The following PCDHGA10 variants were observed in gnomAD, a reference collection of about 807,000 sequenced individuals.
PCDHGA10 encodes the protein protocadherin gamma-A10.
In PCDHGA10, 42 loss-of-function variants were observed where a neutral mutation model predicts 59.5. The ratio of observed to expected loss-of-function variants is 0.71; its 90% CI spans 0.55 to 0.91. The LOEUF is 0.91. Ranked by LOEUF, PCDHGA10 falls within the 40% of genes least tolerant of loss-of-function variation. The pLI, the probability that PCDHGA10 is intolerant of heterozygous loss-of-function variation, is 0.00. For missense variants in PCDHGA10, 1,111 were observed against 1,198.2 expected, an observed-to-expected ratio of 0.93 and a Z score of 1.07; for synonymous variants, 511 against 517.2, an observed-to-expected ratio of 0.99 and a Z score of 0.16.
chr5:141,462,852 T>C (rs1334709435), intron 1 of PCDHGA10, among the ~76,000 whole-genome samples: 1 of 152,202 alleles, frequency 6.6e-6, no homozygotes. Flanking sequence ...TTTTGAGTGT[T>C]TGGATTTTGT....
rs1395556571 is a variant in PCDHGA10 at position 141,432,581 on chromosome 5, C to CT, written c.2436+16971dup. ...CCAGAACGCCTGGCTGTCCTACCGT[C>CT]TGCTCAAGGCCAGCGAGCCGGGACT... On this transcript the variant is annotated intron_variant, in intron 1 of 3. Coordinates refer to ENST00000398610, the MANE Select transcript of PCDHGA10 (RefSeq NM_018913.3). This position sits in a 1 kb window ranked among gnomAD's most constrained non-coding sequence, Gnocchi z 6.0. 6.2e-7 allele frequency: 1 copy of CT among 1,613,930 alleles called. No homozygotes were observed.
At chr5:141,427,650 G>C (rs1352503291) in intron 1 of PCDHGA10, 1 of 718,312 alleles carries the variant, frequency 1.4e-6, no homozygotes. Flanking sequence ...AGTCTCCTAC[G>C]TGGTCCACGT....
At chr5:141,470,815 G>A (rs891225908) in intron 1 of PCDHGA10, among the ~76,000 whole-genome samples, 1 of 151,980 alleles carries the variant, frequency 6.6e-6, no homozygotes, top group African/African-American at 2.4e-5. Flanking sequence ...AGCCTTCTGA[G>A]TAGTTAGGAC....
chr5:141,424,556 G>C (rs2096828013), intron 1 of PCDHGA10: 1 of 152,128 alleles, frequency 6.6e-6, no homozygotes, highest in South Asian at 2.1e-4. Context: ...TTGATTCAGT[G>C]CTTCTCAAAA....
chr5:141,472,980 C>CAAAAAAAAA (rs60579131), intron 1 of PCDHGA10, among the ~76,000 whole-genome samples: 30 of 86,054 alleles, frequency 3.5e-4, no homozygotes, highest in African/African-American at 5.0e-4. Context: ...GAGTGAAACT[C>CAAAAAAAAA]AAAAAAAAAA....
At chr5:141,427,934 G>A (rs746648152) in intron 1 of PCDHGA10, 42 of 1,584,338 alleles carry the variant, frequency 2.7e-5, no homozygotes, top group Non-Finnish European at 3.6e-5. Context: ...GCATGTTGGT[G>A]GGCGACCTCA....
At position 141,431,549 on chromosome 5, in the gene PCDHGA10, G is replaced by A. The variant is rs750427346; in HGVS notation, c.2436+15938G>A. ...GGCCTTGGGCACGCAGCTGCTTGTA[G>A]TCAACGCTACCGACCCTGACGAAGG... On this transcript the variant is annotated intron_variant, in intron 1 of 3. Coordinates refer to ENST00000398610, the MANE Select transcript of PCDHGA10 (RefSeq NM_018913.3). This position sits in a 1 kb window ranked among gnomAD's most constrained non-coding sequence, Gnocchi z 4.8. The A allele has an allele frequency of 6.2e-7, 1 of 1,614,156 alleles. No homozygotes were observed. Among genetic ancestry groups the A allele is most frequent in the South Asian group, 1.1e-5 (1 of 91,090 alleles).
chr5:141,428,344 G>T (rs970552377), intron 1 of PCDHGA10: 3 of 596,498 alleles, frequency 5.0e-6, no homozygotes, highest in Non-Finnish European at 6.1e-6. Flanking sequence ...CTTCTTCCTC[G>T]CAGTGATTTT....
intron 1 of PCDHGA10, among the ~76,000 whole-genome samples, chr5:141,439,259 G>A (rs1172204848): frequency 6.6e-6 from 1 of 151,900 alleles, no homozygotes; most frequent in African/African-American, 2.4e-5. Context: ...TGAAGATTCA[G>A]CCAACAGTTC....
chr5:141,436,591 G>A (rs903125499), intron 1 of PCDHGA10, among the ~76,000 whole-genome samples: 8 of 152,154 alleles, frequency 5.3e-5, no homozygotes, highest in Non-Finnish European at 1.0e-4. Context: ...TTGAAAGGTC[G>A]TGGTGATGGC....
chr5:141,488,681 C>G, intron 1 of PCDHGA10, among the ~76,000 whole-genome samples: 1 of 152,204 alleles, frequency 6.6e-6, no homozygotes, highest in East Asian at 1.9e-4. Flanking sequence ...GGCTTTGCCT[C>G]TCCCAGAAGG....
intron 1 of PCDHGA10, chr5:141,420,333 A>G (rs778366534): frequency 2.1e-6 from 3 of 1,402,720 alleles, no homozygotes; most frequent in Non-Finnish European, 2.9e-6. Flanking sequence ...ATATATTCCA[A>G]TATAGTGGTA....
rs200045647 is a variant in PCDHGA10, at chr5:141,490,150, G to A, written c.2437-4657G>A. 50 of 1,614,246 alleles carry A rather than the reference G, an allele frequency of 3.1e-5. No individual in the cohort carries two copies. The Admixed American group carries it at 7.7e-4, about 25-fold the overall frequency. On this transcript the variant is annotated intron_variant, in intron 1 of 3. Transcript: ENST00000398610. The surrounding 1 kb of genome is among the most constrained non-coding windows in gnomAD (Gnocchi z 5.4). ...AGACCCTAGCAGTGGGGCAATCCAT[G>A]TGTTGGGTCCCATAGACTTTGAGGA...
At chr5:141,478,795 C>T (rs919747545) in intron 1 of PCDHGA10, 7 of 1,468,056 alleles carry the variant, frequency 4.8e-6, no homozygotes, top group Non-Finnish European at 6.3e-6. Flanking sequence ...ACATCCTCAG[C>T]ACTCTTTTGC....
chr5:141,501,290 TACACACACAC>T (rs55762287), intron 2 of PCDHGA10, among the ~76,000 whole-genome samples: 44 of 136,248 alleles, frequency 3.2e-4, no homozygotes, highest in Admixed American at 7.8e-4. Context: ...TATTCCCTTA[TACACACACAC>T]ACACACACAC....
At position 141,432,143 on chromosome 5, in the gene PCDHGA10, C is replaced by A; in HGVS notation, c.2436+16532C>A. The A allele has an allele frequency of 6.2e-7, 1 of 1,614,084 alleles. No homozygotes were observed. Among genetic ancestry groups the A allele is most frequent in the South Asian group, 1.1e-5 (1 of 91,068 alleles). On this transcript the variant is annotated intron_variant, in intron 1 of 3. Transcript: ENST00000398610. The surrounding 1 kb of genome is among the most constrained non-coding windows in gnomAD (Gnocchi z 6.0). ...TCAGGCCTCCTATTCCGCTTATATC[C>A]CAGAGAACAATCCCAGAGGAGTTTC... is the stretch of plus-strand genomic sequence containing the variant.
intron 3 of PCDHGA10, among the ~76,000 whole-genome samples, chr5:141,510,354 G>A (rs1311482557): frequency 2.1e-5 from 3 of 146,300 alleles, no homozygotes; most frequent in Non-Finnish European, 4.5e-5. Flanking sequence ...ACTTACTAAC[G>A]GAACTACCGA....
chr5:141,481,622 G>A (rs957374253), intron 1 of PCDHGA10, among the ~76,000 whole-genome samples: 6 of 151,854 alleles, frequency 4.0e-5, no homozygotes, highest in African/African-American at 1.2e-4. Flanking sequence ...GTTCAAGACC[G>A]GCCTGGCCAA....
chr5:141,501,125 C>A (rs2099805699), intron 2 of PCDHGA10, among the ~76,000 whole-genome samples: 1 of 152,140 alleles, frequency 6.6e-6, no homozygotes, highest in South Asian at 2.1e-4. Context: ...CCTCAGCCTC[C>A]CTAAGTGCTG....
Sources: gnomAD v4.1 joint callset for allele counts (sites outside exome capture counted in the v4.1 genomes callset) on GRCh38, gnomAD v4.1.1 for gene constraint, Gnocchi (gnomAD v3.1) non-coding constraint, MANE v1.5 for transcripts, NCBI Gene and HGNC (gene_info 2026-07-23, HGNC 2026-07-21) for gene names.